MRPL39: variants seen among roughly 807,000 people sequenced by gnomAD.
MRPL39 encodes the protein large ribosomal subunit protein mL39.
A neutral mutation model predicts 44.5 loss-of-function variants in MRPL39; 35 were observed. That is an observed-to-expected ratio of 0.79 (90% CI 0.60 to 1.04). MRPL39 has a LOEUF of 1.04. Ranked by LOEUF, MRPL39 falls within the 50% of genes least tolerant of loss-of-function variation. MRPL39 has a pLI of 0.00. For missense variants in MRPL39, 433 were observed against 413.5 expected (o/e 1.05, Z -0.41); for synonymous variants, 139 against 136.1 (o/e 1.02, Z -0.15).
At chr21:25,596,968 T>C (rs1343886084) in intron 6 of MRPL39, among the ~76,000 whole-genome samples, 1 of 152,044 alleles carries the variant, frequency 6.6e-6, no homozygotes, top group African/African-American at 2.4e-5. Flanking sequence ...TGTGGAGGGG[T>C]AGGAGAGAAA....
At chr21:25,604,492 T>C (rs980652096) in intron 2 of MRPL39, among the ~76,000 whole-genome samples, 1 of 152,166 alleles carries the variant, frequency 6.6e-6, no homozygotes, top group African/African-American at 2.4e-5. Flanking sequence ...AATACACACC[T>C]ACAAAAATCA....
At chr21:25,599,663 T>C (rs989579909) in intron 5 of MRPL39, 136 bp downstream of exon 5, 20 of 694,126 alleles carry the variant, frequency 2.9e-5, no homozygotes, top group East Asian at 5.5e-5. Context: ...GACAGATACA[T>C]AGATACATAG....
intron 2 of MRPL39, among the ~76,000 whole-genome samples, chr21:25,604,508 A>C (rs1288308652): frequency 2.0e-5 from 3 of 152,218 alleles, no homozygotes; most frequent in Non-Finnish European, 4.4e-5. Context: ...AATCAGTTCT[A>C]GATTGGTTTT....
At chr21:25,600,272 T>C (rs2031480936) in intron 4 of MRPL39, among the ~76,000 whole-genome samples, 1 of 151,802 alleles carries the variant, frequency 6.6e-6, no homozygotes, top group African/African-American at 2.4e-5. Context: ...GGCAGGCAAC[T>C]GTAATCCCAG....
intron 9 of MRPL39, among the ~76,000 whole-genome samples, chr21:25,586,150 G>A (rs1198712341): frequency 1.3e-5 from 2 of 152,028 alleles, no homozygotes; most frequent in Admixed American, 1.3e-4. Flanking sequence ...AGTCTAAATA[G>A]ATATCTCTAT....
chr21:25,595,789 A>T lies in MRPL39; in HGVS notation c.701+1513T>A, dbSNP rs777434122. Among the ~76,000 whole-genome samples the T allele has an allele frequency of 8.0e-4, 122 of 152,218 alleles. 1 individual carries two copies. The highest frequency in any genetic ancestry group is 1.6e-3 in the Admixed American group (24 of 15,292). On this transcript the variant is annotated intron_variant, in intron 6 of 9. Transcript: ENST00000352957. ...CTTTTTTTCAATGCAACTACAGAAA[A>T]TTTCAAATTATACAGATGTCTCATA... is the stretch of plus-strand genomic sequence containing the variant.
At chr21:25,607,770 T>C (rs1255007455), upstream of MRPL39, among the ~76,000 whole-genome samples, 1 of 151,038 alleles carries the variant, frequency 6.6e-6, no homozygotes, top group African/African-American at 2.4e-5. Context: ...GAAACAGAGT[T>C]CCACAGGCGT....
intron 9 of MRPL39, among the ~76,000 whole-genome samples, chr21:25,587,163 T>C (rs867184906): frequency 6.6e-6 from 1 of 152,358 alleles, no homozygotes; most frequent in East Asian, 1.9e-4. Context: ...CTCTGCCGTT[T>C]TTCTACATTT....
chr21:25,587,731 T>C, intron 9 of MRPL39: 2 of 1,612,708 alleles, frequency 1.2e-6, no homozygotes, highest in Non-Finnish European at 1.7e-6. Flanking sequence ...GAGGTACGAC[T>C]CAGGCGAGGT....
In MRPL39 at chr21:25,607,427, C is replaced by T; in HGVS notation, c.49G>A (p.Ala17Thr). ...CTCCATTTGATCCCGCCACCGGGTG[C>T]GACCAGCCAGAGCCGCAGCGCCCGG... Reference protein sequence around the residue: ...GSRALRLWLVAPGGGIKWRFI... With the variant: ...GSRALRLWLVTPGGGIKWRFI... Residue 17 changes from alanine (A) to threonine (T), a missense_variant, in exon 1 of 10, where the codon GCA (alanine) becomes ACA (threonine). Coordinates refer to ENST00000352957, the MANE Select transcript of MRPL39 (RefSeq NM_017446.4). The T allele has an allele frequency of 6.2e-7, 1 of 1,613,466 alleles. No homozygotes were observed.
intron 7 of MRPL39, among the ~76,000 whole-genome samples, chr21:25,593,637 C>T (rs905519313): frequency 6.6e-6 from 1 of 152,178 alleles, no homozygotes; most frequent in African/African-American, 2.4e-5. Flanking sequence ...CATTCTTAAA[C>T]AGTGGTTTTC....
chr21:25,598,611 G>A (rs2031431736), intron 5 of MRPL39, among the ~76,000 whole-genome samples: 1 of 152,082 alleles, frequency 6.6e-6, no homozygotes, highest in Non-Finnish European at 1.5e-5. Flanking sequence ...CAGAGGTCAT[G>A]AAGAAACAGT....
Position 25,606,448 on chromosome 21 carries a change from C to T in MRPL39, c.280+1G>A, listed in dbSNP as rs903956769. On this transcript the variant is annotated splice_donor_variant, in intron 2 of 9. Transcript: ENST00000352957. LOFTEE classifies it high-confidence loss of function. ...AACTGTAACCTGATTCTGCTACTTA[C>T]GCATGGCACAACTGTAGGGAGTTGA... The T allele has an allele frequency of 6.3e-6, 10 of 1,591,474 alleles. No homozygotes were observed. Among genetic ancestry groups the T allele is most frequent in the Middle Eastern group, 1.7e-4 (1 of 5,968 alleles).
chr21:25,602,090 CTG>C (rs1312034513), intron 3 of MRPL39, among the ~76,000 whole-genome samples: 2 of 152,232 alleles, frequency 1.3e-5, no homozygotes, highest in African/African-American at 4.8e-5. Flanking sequence ...TGACACTACT[CTG>C]TGCACTTTTC....
chr21:25,606,466 G>C lies in MRPL39; in HGVS notation c.263C>G (p.Pro88Arg). ...CTACTTACGCATGGCACAACTGTAGGGAGTTGAAATGTTTTTATTCATCAC... is the reference window on the plus strand; with the variant it reads ...CTACTTACGCATGGCACAACTGTAGCGAGTTGAAATGTTTTTATTCATCAC... ...VFVMNKNISTPYSCAMHLSEW... is the reference protein window; with the variant it reads ...VFVMNKNISTRYSCAMHLSEW... Residue 88 changes from proline to arginine, a missense_variant, in exon 2 of 10, where the codon CCC (proline) becomes CGC (arginine). Coordinates refer to ENST00000352957, the MANE Select transcript of MRPL39 (RefSeq NM_017446.4). 1 of 1,609,302 alleles carries C rather than the reference G, an allele frequency of 6.2e-7. No homozygotes were observed.
At chr21:25,588,279 T>G (rs778146349) in intron 9 of MRPL39, among the ~76,000 whole-genome samples, 75 of 150,924 alleles carry the variant, frequency 5.0e-4, no homozygotes, top group Non-Finnish European at 9.6e-4. Flanking sequence ...GCCACTGCAC[T>G]CCAGCCTGGG....
At chr21:25,603,076 ATTG>A (rs1246235611) in intron 3 of MRPL39, among the ~76,000 whole-genome samples, 1 of 152,108 alleles carries the variant, frequency 6.6e-6, no homozygotes, top group Non-Finnish European at 1.5e-5. Context: ...TTCTACTATG[ATTG>A]TTAAGTTTCC....
chr21:25,604,949 T>C (rs2031621464), intron 2 of MRPL39, among the ~76,000 whole-genome samples: 2 of 152,244 alleles, frequency 1.3e-5, no homozygotes, highest in Admixed American at 1.3e-4. Context: ...GTGATGTGTA[T>C]AAAGCTCCTT....
In MRPL39 at chr21:25,586,807, T is replaced by C. The variant is rs2123219973; in HGVS notation, c.970-1053A>G. 1.3e-5 allele frequency among the ~76,000 whole-genome samples: 2 copies of C among 152,362 alleles called. 1 individual carries two copies. ...AATCAGCTTAAGAGACTCCAATTCC[T>C]GGAAGCCTTCCTTAAGCAACTCCCC... On this transcript the variant is annotated intron_variant, in intron 9 of 9. Coordinates refer to ENST00000352957, the MANE Select transcript of MRPL39 (RefSeq NM_017446.4).
Sources: gnomAD v4.1 joint callset for allele counts (sites outside exome capture counted in the v4.1 genomes callset) on GRCh38, gnomAD v4.1.1 for gene constraint, MANE v1.5 for transcripts, NCBI Gene and HGNC (gene_info 2026-07-23, HGNC 2026-07-21) for gene names.